RYR2: variants seen among roughly 807,000 people sequenced by gnomAD.
The protein encoded by RYR2 is cardiac muscle ryanodine receptor-calcium release channel.
RYR2 carries 227 observed loss-of-function variants against 601.1 expected under a neutral mutation model. The ratio of observed to expected loss-of-function variants is 0.38; its 90% CI spans 0.34 to 0.42. The LOEUF (loss-of-function observed/expected upper bound fraction) is 0.42, where lower values mean the gene tolerates loss of function less well. Among genes scored for constraint, RYR2 ranks in the 10% least tolerant of loss-of-function variants. The pLI is 1.00. For synonymous variants in RYR2, 2,223 were observed against 2,175.1 expected (o/e 1.02, Z -0.61); for missense variants, 4,646 against 6,156.5 (o/e 0.75, Z 8.21).
At chr1:237,300,448 C>G (rs992181215) in intron 2 of RYR2, among the ~76,000 whole-genome samples, 8 of 152,170 alleles carry the variant, frequency 5.3e-5, no homozygotes, top group African/African-American at 1.9e-4. Flanking sequence ...ACCCAGTTGA[C>G]ATGCAGGTAT....
intron 2 of RYR2, among the ~76,000 whole-genome samples, chr1:237,324,189 G>C (rs1267186011): frequency 6.6e-6 from 1 of 152,122 alleles, no homozygotes; most frequent in East Asian, 1.9e-4. Context: ...ACGAGTCAAT[G>C]GGATACAACA....
At chr1:237,109,124 T>C (rs932506257) in intron 1 of RYR2, among the ~76,000 whole-genome samples, 1 of 152,052 alleles carries the variant, frequency 6.6e-6, no homozygotes, top group Non-Finnish European at 1.5e-5. Context: ...TAACCATCTG[T>C]GTATATATTC....
chr1:237,805,372 A>G (rs886974184), intron 98 of RYR2, among the ~76,000 whole-genome samples: 2 of 152,064 alleles, frequency 1.3e-5, no homozygotes, highest in Admixed American at 6.5e-5. Flanking sequence ...CGAGGTTAGG[A>G]GATCAAGACC....
intron 10 of RYR2, among the ~76,000 whole-genome samples, chr1:237,407,951 T>G (rs1369852262): frequency 2.0e-5 from 3 of 152,094 alleles, no homozygotes; most frequent in Non-Finnish European, 4.4e-5. Flanking sequence ...CTTTACATAT[T>G]TCGGATGCCA....
At chr1:237,255,501 C>T (rs1478746367) in intron 1 of RYR2, among the ~76,000 whole-genome samples, 1 of 152,088 alleles carries the variant, frequency 6.6e-6, no homozygotes, top group African/African-American at 2.4e-5. Context: ...GGATTTATAA[C>T]ATAGGAACAA....
intron 29 of RYR2, among the ~76,000 whole-genome samples, chr1:237,570,748 G>A (rs115473973): frequency 7.0e-4 from 106 of 152,200 alleles, no homozygotes; most frequent in Non-Finnish European, 6.8e-4. Context: ...TGCAGGTAGC[G>A]AATATTTCTC....
intron 27 of RYR2, among the ~76,000 whole-genome samples, chr1:237,555,382 G>T (rs1337479052): frequency 6.6e-6 from 1 of 152,012 alleles, no homozygotes; most frequent in African/African-American, 2.4e-5. Flanking sequence ...GAGGATGTAG[G>T]TAGCAGTGAT....
Position 237,628,240 on chromosome 1 carries a change from T to C in RYR2, c.6440+160T>C, listed in dbSNP as rs1447177597. Among the ~76,000 whole-genome samples the C allele has an allele frequency of 3.9e-5, 6 of 152,288 alleles. No individual in the cohort carries two copies. In the East Asian group the frequency reaches 1.2e-3, roughly 29 times the overall value. ...TTTTTTTTATTTATTATTATCATAC[T>C]TTAAGTTTTATGGTACATGTGCACA... On this transcript the variant is annotated intron_variant, in intron 41 of 104. Transcript: ENST00000366574.
intron 29 of RYR2, among the ~76,000 whole-genome samples, chr1:237,579,248 C>CTTTTTT (rs546960253): frequency 2.1e-4 from 14 of 68,090 alleles, no homozygotes; most frequent in African/African-American, 5.9e-4. Context: ...TCTTCTTCTT[C>CTTTTTT]TTTTTTTTTT....
At chr1:237,267,576 T>C (rs1354019414) in intron 1 of RYR2, 1 of 298,334 alleles carries the variant, frequency 3.4e-6, no homozygotes, top group South Asian at 2.5e-5. Flanking sequence ...TTTCTTAGGA[T>C]CCATATATTT....
chr1:237,098,787 G>A (rs2148502695), intron 1 of RYR2, among the ~76,000 whole-genome samples: 1 of 152,276 alleles, frequency 6.6e-6, no homozygotes, highest in South Asian at 2.1e-4. Context: ...GAAATGAAGA[G>A]GTGTGGTCAC....
chr1:237,104,227 C>T (rs1053217306), intron 1 of RYR2, among the ~76,000 whole-genome samples: 6 of 152,184 alleles, frequency 3.9e-5, no homozygotes, highest in South Asian at 2.1e-4. Flanking sequence ...GGGATTTGGC[C>T]GGCGTTCCCT....
At chr1:237,090,953 G>T (rs530395368) in intron 1 of RYR2, among the ~76,000 whole-genome samples, 1 of 152,278 alleles carries the variant, frequency 6.6e-6, no homozygotes, top group South Asian at 2.1e-4. Context: ...TAGTAATTTT[G>T]TAATAAGTTA....
intron 1 of RYR2, among the ~76,000 whole-genome samples, chr1:237,059,523 G>A (rs1262581333): frequency 6.6e-6 from 1 of 152,126 alleles, no homozygotes; most frequent in Admixed American, 6.5e-5. Context: ...GATAAATCCA[G>A]CCTATTTTTG....
intron 17 of RYR2, among the ~76,000 whole-genome samples, chr1:237,486,405 A>G (rs186570616): frequency 3.9e-5 from 6 of 152,288 alleles, no homozygotes; most frequent in Admixed American, 6.5e-5. Flanking sequence ...TAATTCTAGT[A>G]TAAACTCTCA....
At chr1:237,569,012 C>G in intron 28 of RYR2, 133 bp from the exon 29 acceptor site, 1 of 653,114 alleles carries the variant, frequency 1.5e-6, no homozygotes, top group Non-Finnish European at 2.5e-6. Flanking sequence ...TGCAGTAGAC[C>G]GATATGCCAG....
chr1:237,638,301 G>A (rs984762674), intron 44 of RYR2, 56 bp from the exon 45 acceptor site: 21 of 1,608,018 alleles, frequency 1.3e-5, no homozygotes, highest in East Asian at 8.9e-5. Context: ...TCCAATGTAA[G>A]CATCTAATGA....
At chr1:237,506,539 AGG>A in intron 22 of RYR2, among the ~76,000 whole-genome samples, 169 bp from the exon 23 acceptor site, 1 of 142,374 alleles carries the variant, frequency 7.0e-6, no homozygotes, top group East Asian at 2.0e-4. Flanking sequence ...CTCCGTCTCA[AGG>A]GGAAAAAAAA....
chr1:237,358,735 C>T (rs1020805068), intron 4 of RYR2, among the ~76,000 whole-genome samples: 9 of 151,908 alleles, frequency 5.9e-5, no homozygotes, highest in African/African-American at 2.2e-4. Context: ...GGACTACACC[C>T]AGCCTTTTGC....
Sources: gnomAD v4.1 joint callset for allele counts (sites outside exome capture counted in the v4.1 genomes callset) on GRCh38, gnomAD v4.1.1 for gene constraint, MANE v1.5 for transcripts, NCBI Gene and HGNC (gene_info 2026-07-23, HGNC 2026-07-21) for gene names.